FAM229B: variants seen among roughly 807,000 people sequenced by gnomAD.
FAM229B encodes the protein family with sequence similarity 229 member B.
FAM229B carries 2 observed loss-of-function variants against 6.7 expected under a neutral mutation model. That is an observed-to-expected ratio of 0.30 (90% CI 0.12 to 0.94). FAM229B has a LOEUF of 0.94. FAM229B is among the 40% of genes least tolerant of loss of function. The pLI, the probability that FAM229B is intolerant of heterozygous loss-of-function variation, is 0.54. For missense variants in FAM229B, 93 were observed against 96.2 expected, an observed-to-expected ratio of 0.97 and a Z score of 0.14; for synonymous variants, 29 against 34.0, an observed-to-expected ratio of 0.85 and a Z score of 0.51.
rs1335612638 is a variant in FAM229B at position 112,097,055 on chromosome 6, T to C, written c.-161T>C. 1 of 152,370 alleles carries C rather than the reference T, an allele frequency of 6.6e-6. No homozygotes were observed. Among genetic ancestry groups the C allele is most frequent in the African/African-American group, 2.4e-5 (1 of 41,580 alleles). 9.4% of individuals were successfully genotyped at this position (152,370 alleles called of 1,614,324 possible). ...TGATTCTTTAGCAGGTAGGAAACTA[T>C]GTGAAAGAATCTCCTGATGTCATAA... On this transcript the variant is annotated 5_prime_UTR_variant, in exon 2 of 4. An upstream start codon of the reference 5' UTR is lost. Transcript: ENST00000368656.
Position 112,100,740 on chromosome 6 carries a change from A to G in FAM229B, c.196A>G (p.Thr66Ala). ...TGTTCCCGTCACTGTTTATGCAACAACGAGAAAGCCACCTGCACAAAGCAG... is the reference window on the plus strand; with the variant it reads ...TGTTCCCGTCACTGTTTATGCAACAGCGAGAAAGCCACCTGCACAAAGCAG... ...TDVPVTVYAT[T>A]RKPPAQSSKE... The change falls in exon 4 of 4, where the codon ACG (threonine) becomes GCG (alanine). Residue 66 changes from threonine to alanine, a missense_variant. Physicochemically the swap from Thr to Ala is moderately conservative, Grantham distance 58 (BLOSUM62 0). Transcript: ENST00000368656. 6.2e-7 allele frequency: 1 copy of G among 1,614,086 alleles called. No homozygotes were observed. The highest frequency in any genetic ancestry group is 1.1e-5 in the South Asian group (1 of 91,070).
At chr6:112,088,928 T>A (rs1200265527) in intron 1 of FAM229B, among the ~76,000 whole-genome samples, 1 of 152,092 alleles carries the variant, frequency 6.6e-6, no homozygotes, top group Non-Finnish European at 1.5e-5. Flanking sequence ...GAAAGAAAAG[T>A]CCTAACACAT....
rs1339953635 is a variant in FAM229B at position 112,097,196 on chromosome 6, C to T, written c.-20C>T. 1.3e-5 allele frequency: 2 copies of T among 152,166 alleles called. No individual in the cohort carries two copies. The highest frequency in any genetic ancestry group is 6.5e-5 in the Admixed American group (1 of 15,268). The allele number at this position is 152,166 out of a possible 1,614,324, so 9.4% of individuals were successfully genotyped here. On this transcript the variant is annotated 5_prime_UTR_variant, in exon 2 of 4. Coordinates refer to ENST00000368656, the MANE Select transcript of FAM229B (RefSeq NM_001033564.3). ...CCTCTACAGGAATCAGACTCAGCCTCTTTTGGTAAGTCTATTTATCCTTGA... is the reference window on the plus strand; with the variant it reads ...CCTCTACAGGAATCAGACTCAGCCTTTTTTGGTAAGTCTATTTATCCTTGA...
chr6:112,095,011 C>G (rs1777303344), intron 1 of FAM229B, among the ~76,000 whole-genome samples: 1 of 152,088 alleles, frequency 6.6e-6, no homozygotes, highest in Non-Finnish European at 1.5e-5. Context: ...CATTGTATCA[C>G]CCATTCTAAA....
intron 2 of FAM229B, among the ~76,000 whole-genome samples, chr6:112,098,292 A>AGGGGGTAGGGAAGT (rs1226004638): frequency 6.6e-6 from 1 of 152,202 alleles, no homozygotes; most frequent in Non-Finnish European, 1.5e-5. Flanking sequence ...GGGTGGGAGC[A>AGGGGGTAGGGAAGT]GGGGGTAGGG....
chr6:112,101,108 A>AAT lies in FAM229B; in HGVS notation c.*321_*322insAT, dbSNP rs782162769. ...CATGGTCATCAGTCAGGTGGGGCTT[A>AAT]TTCTAAATGCTTAATGTGTCTTAAG... On this transcript the variant is annotated 3_prime_UTR_variant, in exon 4 of 4. Coordinates refer to ENST00000368656, the MANE Select transcript of FAM229B (RefSeq NM_001033564.3). The AAT allele has an allele frequency of 3.3e-4, 71 of 213,990 alleles. No individual in the cohort carries two copies. Among genetic ancestry groups the AAT allele is most frequent in the Non-Finnish European group, 6.3e-4 (68 of 107,444 alleles). 13.3% of individuals were successfully genotyped at this position (213,990 alleles called of 1,614,324 possible).
intron 1 of FAM229B, 43 bp downstream of exon 1, chr6:112,087,763 A>G (rs140996744): frequency 7.1e-4 from 261 of 365,160 alleles, no homozygotes; most frequent in African/African-American, 5.1e-3. Flanking sequence ...TGTGTCGTTA[A>G]GCTGTTCGTG....
chr6:112,099,001 TA>T (rs1205814077), intron 2 of FAM229B, among the ~76,000 whole-genome samples: 1 of 152,112 alleles, frequency 6.6e-6, no homozygotes, highest in East Asian at 1.9e-4. Flanking sequence ...ATAGTAATAT[TA>T]AAAATTCCAA....
intron 1 of FAM229B, among the ~76,000 whole-genome samples, chr6:112,088,156 A>AT (rs2114498536): frequency 6.6e-6 from 1 of 152,274 alleles, no homozygotes; most frequent in African/African-American, 2.4e-5. Context: ...TACTTAAAGA[A>AT]TTGTGTGGCG....
intron 2 of FAM229B, among the ~76,000 whole-genome samples, chr6:112,098,508 T>C (rs1351512969): frequency 6.6e-6 from 1 of 152,218 alleles, no homozygotes; most frequent in African/African-American, 2.4e-5. Context: ...CCTTACTTAA[T>C]CCTCACTATT....
Position 112,087,657 on chromosome 6 carries a change from T to C in FAM229B, c.-239T>C. 1.8e-6 allele frequency: 1 copy of C among 541,388 alleles called. No homozygotes were observed. Among genetic ancestry groups the C allele is most frequent in the Non-Finnish European group, 3.3e-6 (1 of 305,230 alleles). 33.5% of individuals were successfully genotyped at this position (541,388 alleles called of 1,614,324 possible). On this transcript the variant is annotated 5_prime_UTR_variant, in exon 1 of 4. Coordinates refer to ENST00000368656, the MANE Select transcript of FAM229B (RefSeq NM_001033564.3). ...GTAGCGACTGGGCTTCTGGACTGTA[T>C]ATCCTAGCTGCCTTGTCAACATCTT...
chr6:112,098,084 C>T (rs1777350681), intron 2 of FAM229B, among the ~76,000 whole-genome samples: 1 of 152,120 alleles, frequency 6.6e-6, no homozygotes, highest in South Asian at 2.1e-4. Context: ...AGTATCCTCC[C>T]TCCCCAGCTA....
intron 1 of FAM229B, among the ~76,000 whole-genome samples, chr6:112,095,014 A>G (rs1461239543): frequency 6.6e-6 from 1 of 152,220 alleles, no homozygotes; most frequent in Non-Finnish European, 1.5e-5. Flanking sequence ...TGTATCACCC[A>G]TTCTAAAGAA....
At chr6:112,089,087 C>T (rs587670262) in intron 1 of FAM229B, among the ~76,000 whole-genome samples, 1 of 152,106 alleles carries the variant, frequency 6.6e-6, no homozygotes, top group African/African-American at 2.4e-5. Context: ...TGAACCGCAG[C>T]GGGCTATTCA....
chr6:112,095,141 A>C (rs1554318533), intron 1 of FAM229B, among the ~76,000 whole-genome samples: 1 of 152,204 alleles, frequency 6.6e-6, no homozygotes, highest in African/African-American at 2.4e-5. Context: ...TCAGTGTCTC[A>C]ATACTCTGAT....
At chr6:112,090,827 CCAT>C (rs1777247825) in intron 1 of FAM229B, among the ~76,000 whole-genome samples, 1 of 152,090 alleles carries the variant, frequency 6.6e-6, no homozygotes, top group African/African-American at 2.4e-5. Flanking sequence ...ATTAACATAT[CCAT>C]CATTTCACAT....
chr6:112,094,277 GAAATT>G (rs1777294326), intron 1 of FAM229B, among the ~76,000 whole-genome samples: 3 of 152,288 alleles, frequency 2.0e-5, no homozygotes, highest in South Asian at 4.1e-4. Flanking sequence ...TGTGTCCTGA[GAAATT>G]AAAATTATTT....
chr6:112,101,099 G>A lies in FAM229B; in HGVS notation c.*312G>A. The A allele has an allele frequency of 4.4e-6, 1 of 227,810 alleles. No homozygotes were observed. Among genetic ancestry groups the A allele is most frequent in the Non-Finnish European group, 8.6e-6 (1 of 116,310 alleles). The allele number at this position is 227,810 out of a possible 1,614,324, so 14.1% of individuals were successfully genotyped here. A position where few individuals can be genotyped will look rare whatever the true frequency, so the allele number is the denominator to read the frequency against. ...TTAATCCACCATGGTCATCAGTCAG[G>A]TGGGGCTTATTCTAAATGCTTAATG... On this transcript the variant is annotated 3_prime_UTR_variant, in exon 4 of 4. Transcript: ENST00000368656.
At chr6:112,100,646 C>G (rs1348591528) in intron 3 of FAM229B, 24 bp from the exon 4 acceptor site, 2 of 1,499,404 alleles carry the variant, frequency 1.3e-6, no homozygotes, top group African/African-American at 2.8e-5. Context: ...TATCTAACTA[C>G]ATGTCATCTG....
Sources: gnomAD v4.1 joint callset for allele counts (sites outside exome capture counted in the v4.1 genomes callset) on GRCh38, gnomAD v4.1.1 for gene constraint, MANE v1.5 for transcripts, NCBI Gene and HGNC (gene_info 2026-07-23, HGNC 2026-07-21) for gene names.